ADGRB3: variants seen among roughly 807,000 people sequenced by gnomAD.
ADGRB3 encodes brain-specific angiogenesis inhibitor 3.
Under a neutral mutation model 193.4 loss-of-function variants are expected in ADGRB3, and 37 were observed. The ratio of observed to expected loss-of-function variants is 0.19; its 90% CI spans 0.15 to 0.25. The LOEUF (loss-of-function observed/expected upper bound fraction) is 0.25. ADGRB3 is among the 10% of genes least tolerant of loss of function. The pLI is 1.00. For missense variants in ADGRB3, 1,637 were observed against 1,852.9 expected, an observed-to-expected ratio of 0.88 and a Z score of 2.14; for synonymous variants, 690 against 644.2, an observed-to-expected ratio of 1.07 and a Z score of -1.08.
At chr6:69,060,735 A>G in intron 15 of ADGRB3, among the ~76,000 whole-genome samples, 1 of 152,086 alleles carries the variant, frequency 6.6e-6, no homozygotes, top group East Asian at 1.9e-4. Flanking sequence ...TATTCAGGCT[A>G]ATCCAAAAAA....
chr6:68,880,667 A>C (rs1765708305), intron 3 of ADGRB3, among the ~76,000 whole-genome samples: 1 of 152,164 alleles, frequency 6.6e-6, no homozygotes, highest in Non-Finnish European at 1.5e-5. Flanking sequence ...AAGGTGCCAG[A>C]GGGAACTTTG....
At chr6:69,092,389 ATG>A (rs1422556452) in intron 17 of ADGRB3, among the ~76,000 whole-genome samples, 2 of 152,152 alleles carry the variant, frequency 1.3e-5, no homozygotes, top group Non-Finnish European at 2.9e-5. Flanking sequence ...TCATGAGTTT[ATG>A]TCTTTCACCA....
chr6:68,960,616 G>T (rs1768205078), intron 8 of ADGRB3, among the ~76,000 whole-genome samples: 2 of 151,700 alleles, frequency 1.3e-5, no homozygotes. Context: ...TCTTCCTTTG[G>T]TCTCTAAGTA....
intron 17 of ADGRB3, among the ~76,000 whole-genome samples, chr6:69,223,878 A>C: frequency 6.6e-6 from 1 of 151,878 alleles, no homozygotes; most frequent in Non-Finnish European, 1.5e-5. Flanking sequence ...GCTGGTCTCG[A>C]ACTCCTTGCC....
intron 13 of ADGRB3, among the ~76,000 whole-genome samples, chr6:69,034,116 A>C (rs17401221): frequency 0.11 from 17,085 of 152,056 alleles, 1,130 homozygotes; most frequent in Middle Eastern, 0.26. Flanking sequence ...ATGTTTAGTA[A>C]GCATCTTCAA....
intron 17 of ADGRB3, among the ~76,000 whole-genome samples, chr6:69,110,351 T>C (rs1773335649): frequency 6.6e-6 from 1 of 152,204 alleles, no homozygotes; most frequent in South Asian, 2.1e-4. Context: ...AAAGATAGAA[T>C]AAGACTATAT....
intron 15 of ADGRB3, among the ~76,000 whole-genome samples, chr6:69,061,889 T>A (rs144208239): frequency 8.2e-6 from 1 of 121,624 alleles, no homozygotes; most frequent in Non-Finnish European, 1.9e-5. Context: ...ATGTTAAATG[T>A]GGTGGTACTT....
At chr6:69,167,728 G>A (rs1189283038) in intron 17 of ADGRB3, among the ~76,000 whole-genome samples, 2 of 152,112 alleles carry the variant, frequency 1.3e-5, no homozygotes, top group Non-Finnish European at 2.9e-5. Flanking sequence ...CCAGACCCCA[G>A]AGTTCTCCTG....
At chr6:69,114,726 T>C (rs1258563258) in intron 17 of ADGRB3, among the ~76,000 whole-genome samples, 1 of 152,170 alleles carries the variant, frequency 6.6e-6, no homozygotes, top group Non-Finnish European at 1.5e-5. Context: ...GTTTTATGCA[T>C]ATGACTAGCC....
At chr6:69,072,201 T>A (rs1374689098) in intron 16 of ADGRB3, among the ~76,000 whole-genome samples, 1 of 152,170 alleles carries the variant, frequency 6.6e-6, no homozygotes, top group Non-Finnish European at 1.5e-5. Flanking sequence ...CACATATTGG[T>A]GACTATACTA....
At chr6:69,115,360 C>T (rs994949551) in intron 17 of ADGRB3, among the ~76,000 whole-genome samples, 3 of 152,164 alleles carry the variant, frequency 2.0e-5, no homozygotes, top group African/African-American at 7.2e-5. Flanking sequence ...AAAACAAACA[C>T]CGCATGTTCT....
rs193051630 is a variant in ADGRB3, at chr6:69,085,073, A to G, written c.2480+9035A>G. Among the ~76,000 whole-genome samples, 29 of 152,000 alleles carry G rather than the reference A, an allele frequency of 1.9e-4. No homozygotes were observed. The East Asian group carries it at 5.0e-3, about 26-fold the overall frequency. On this transcript the variant is annotated intron_variant, in intron 17 of 31. Transcript: ENST00000370598. ...GGGAAGAATTTCCAGAGTGTAAAGG[A>G]AAAAAAATACCCTCGGTGAAAATAT...
At chr6:69,097,234 TTAA>T (rs1224749831) in intron 17 of ADGRB3, among the ~76,000 whole-genome samples, 13 of 152,182 alleles carry the variant, frequency 8.5e-5, no homozygotes, top group African/African-American at 3.1e-4. Flanking sequence ...GATGACCAAC[TTAA>T]TAAGAATAAT....
At chr6:68,653,653 C>A (rs1768424187) in intron 3 of ADGRB3, among the ~76,000 whole-genome samples, 1 of 152,032 alleles carries the variant, frequency 6.6e-6, no homozygotes, top group African/African-American at 2.4e-5. Flanking sequence ...ATTCTTTCAA[C>A]ATTTAAAGAT....
At chr6:69,376,003 C>G (rs574152812) in intron 30 of ADGRB3, among the ~76,000 whole-genome samples, 1 of 148,916 alleles carries the variant, frequency 6.7e-6, no homozygotes, top group African/African-American at 2.5e-5. Flanking sequence ...ACTTGTCATA[C>G]GGATATGTCT....
Position 68,943,917 on chromosome 6 carries a change from C to T in ADGRB3, c.1118C>T (p.Thr373Ile). 1 of 1,613,978 alleles carries T rather than the reference C, an allele frequency of 6.2e-7. No homozygotes were observed. The highest frequency in any genetic ancestry group is 8.5e-7 in the Non-Finnish European group (1 of 1,179,882). Reference protein sequence around the residue: ...RGQRTRTRSCTPPQYGGRPCE... With the variant: ...RGQRTRTRSCIPPQYGGRPCE... ...CAAAGAACAAGAACAAGGTCATGCA[C>T]ACCTCCTCAGTATGGAGGAAGGCCG... The change falls in exon 6 of 32, where the codon ACA (threonine) becomes ATA (isoleucine). Residue 373 changes from threonine to isoleucine, a missense_variant. By Grantham distance (89) the Thr-to-Ile change is moderately conservative (BLOSUM62 -1). Around this residue, in one of 7 missense-constraint regions of ADGRB3, gnomAD observed 641 missense variants for 673.9 expected, o/e 0.95. Transcript: ENST00000370598.
chr6:68,929,699 C>A (rs1231545916), intron 3 of ADGRB3, among the ~76,000 whole-genome samples: 1 of 152,116 alleles, frequency 6.6e-6, no homozygotes, highest in African/African-American at 2.4e-5. Context: ...AACCACTTTT[C>A]AGTCACAGTT....
At chr6:68,825,082 C>T (rs1582232374) in intron 3 of ADGRB3, among the ~76,000 whole-genome samples, 1 of 152,042 alleles carries the variant, frequency 6.6e-6, no homozygotes, top group South Asian at 2.1e-4. Context: ...GCTTCGAATT[C>T]CTGACGTCAG....
At chr6:69,057,091 A>G (rs1771565999) in intron 15 of ADGRB3, among the ~76,000 whole-genome samples, 1 of 151,918 alleles carries the variant, frequency 6.6e-6, no homozygotes, top group Non-Finnish European at 1.5e-5. Context: ...GAAATGTTTT[A>G]TAGTTTTCAA....
Sources: allele counts gnomAD v4.1 joint callset (sites outside exome capture counted in the v4.1 genomes callset), GRCh38; gene constraint gnomAD v4.1.1; regional missense constraint gnomAD v4.1.1; transcripts MANE v1.5; gene names NCBI Gene and HGNC (gene_info 2026-07-23, HGNC 2026-07-21).